Variants in SLC9C1 observed in about 807,000 individuals in gnomAD.
SLC9C1 encodes the protein sodium/hydrogen exchanger 10.
A neutral mutation model predicts 140.9 loss-of-function variants in SLC9C1; 97 were observed. The observed-to-expected ratio is 0.69, with a 90% confidence interval of 0.58 to 0.82. The LOEUF (loss-of-function observed/expected upper bound fraction) is 0.82, where lower values mean the gene tolerates loss of function less well. Ranked by LOEUF, SLC9C1 falls within the 40% of genes least tolerant of loss-of-function variation. The pLI is 0.00. For missense variants in SLC9C1, 1,340 were observed against 1,389.3 expected, an observed-to-expected ratio of 0.96 and a Z score of 0.56; for synonymous variants, 440 against 442.6, an observed-to-expected ratio of 0.99 and a Z score of 0.07.
At chr3:112,191,798 A>T (rs1267919147) in intron 20 of SLC9C1, among the ~76,000 whole-genome samples, 1 of 151,996 alleles carries the variant, frequency 6.6e-6, no homozygotes, top group Non-Finnish European at 1.5e-5. Flanking sequence ...ATATGGTGTG[A>T]GGTATGGATC....
At chr3:112,221,282 A>G (rs1375912113) in intron 13 of SLC9C1, 57 bp from the exon 14 acceptor site, 5 of 1,429,064 alleles carry the variant, frequency 3.5e-6, no homozygotes, top group African/African-American at 1.4e-5. Context: ...ACAACTTATT[A>G]CAATCTTGAT....
chr3:112,180,472 A>G, intron 22 of SLC9C1, 92 bp downstream of exon 22: 1 of 968,458 alleles, frequency 1.0e-6, no homozygotes, highest in East Asian at 2.7e-5. Context: ...ACAGTGAGCC[A>G]AGATCATGCC....
chr3:112,177,723 A>C, intron 23 of SLC9C1, among the ~76,000 whole-genome samples: 1 of 128,328 alleles, frequency 7.8e-6, no homozygotes, highest in African/African-American at 3.0e-5. Context: ...TTTTTTTTCA[A>C]AAAAAAAAAA....
intron 26 of SLC9C1, 122 bp from the exon 27 acceptor site, chr3:112,155,171 G>T: frequency 1.4e-6 from 1 of 712,362 alleles, no homozygotes; most frequent in Non-Finnish European, 2.2e-6. Context: ...TCTGAAATTG[G>T]TGGTAATCTC....
chr3:112,291,724 C>A (rs2080688603), intron 1 of SLC9C1, among the ~76,000 whole-genome samples: 1 of 152,142 alleles, frequency 6.6e-6, no homozygotes, highest in Non-Finnish European at 1.5e-5. Context: ...CCTCAAAGAC[C>A]TAAAAACAGA....
chr3:112,244,927 T>C (rs2079237958), intron 10 of SLC9C1, among the ~76,000 whole-genome samples: 1 of 152,184 alleles, frequency 6.6e-6, no homozygotes, highest in African/African-American at 2.4e-5. Context: ...CAAGCATTGG[T>C]AATAAGGAAA....
At chr3:112,220,858 G>A (rs75549167) in intron 14 of SLC9C1, among the ~76,000 whole-genome samples, 2,851 of 152,026 alleles carry the variant, frequency 0.019, 47 homozygotes, top group Non-Finnish European at 0.027. Context: ...TTGGCAGGGG[G>A]GGACAAAGAA....
chr3:112,281,555 G>C (rs1009370458), intron 2 of SLC9C1, among the ~76,000 whole-genome samples: 1 of 152,288 alleles, frequency 6.6e-6, no homozygotes, highest in South Asian at 2.1e-4. Context: ...ATAAGGAATT[G>C]TACTCTCAGA....
In SLC9C1 at chr3:112,167,327, G is replaced by C. The variant is rs369014902; in HGVS notation, c.3258C>G (p.Phe1086Leu). 47 of 1,600,896 alleles carry C rather than the reference G, an allele frequency of 2.9e-5. No homozygotes were observed. Among genetic ancestry groups the C allele is most frequent in the African/African-American group, 4.0e-5 (3 of 74,426 alleles). Residue 1086 changes from phenylalanine (F) to leucine (L), a missense_variant, in exon 26 of 29, where the codon TTC becomes TTG. By Grantham distance (22) the Phe-to-Leu change is conservative (BLOSUM62 0). Transcript: ENST00000305815. ...TCHQIQSIED[F>L]TKVVIIQTPI... ...GAGTTTGAATAATCACTACTTTTGT[G>C]AAATCTTCAATACTTTGTATCTGAA...
Position 112,270,006 on chromosome 3 carries a change from G to A in SLC9C1, c.685C>T (p.Leu229=). The change falls in exon 7 of 29, where the codon CTG becomes TTG. Residue 229 remains leucine (L), a synonymous_variant. Transcript: ENST00000305815. ...ACAGTTGACATCCAAAATTGAATCAGTTTTGAACTTAGAATTCCAAACAAG... is the reference window on the plus strand; with the variant it reads ...ACAGTTGACATCCAAAATTGAATCAATTTTGAACTTAGAATTCCAAACAAG... ...SFLFGILSSK[L]IQFWMSTVFG... 1 of 1,599,690 alleles carries A rather than the reference G, an allele frequency of 6.3e-7. No homozygotes were observed. The highest frequency in any genetic ancestry group is 2.3e-5 in the East Asian group (1 of 43,920).
intron 23 of SLC9C1, among the ~76,000 whole-genome samples, chr3:112,172,780 A>G (rs899096505): frequency 2.0e-5 from 3 of 152,050 alleles, no homozygotes; most frequent in African/African-American, 7.2e-5. Flanking sequence ...TCTTTGTTCT[A>G]TATCTACTTG....
intron 26 of SLC9C1, among the ~76,000 whole-genome samples, chr3:112,158,510 G>T (rs1268969304): frequency 6.6e-6 from 1 of 151,894 alleles, no homozygotes; most frequent in Admixed American, 6.6e-5. Flanking sequence ...TCTGCTTTTG[G>T]TATCAGGATG....
chr3:112,232,974 T>C (rs765850497), intron 12 of SLC9C1, among the ~76,000 whole-genome samples: 27 of 150,684 alleles, frequency 1.8e-4, no homozygotes, highest in Admixed American at 3.3e-4. Context: ...CAAAGACCCC[T>C]GACCCCTCCC....
chr3:112,167,519 G>T (rs1415401727), intron 25 of SLC9C1, among the ~76,000 whole-genome samples, 172 bp from the exon 26 acceptor site: 1 of 151,894 alleles, frequency 6.6e-6, no homozygotes, highest in Non-Finnish European at 1.5e-5. Flanking sequence ...TATTGGTTTT[G>T]TAAAAGTCAC....
At chr3:112,243,693 CTTTT>C (rs59607744) in intron 11 of SLC9C1, among the ~76,000 whole-genome samples, 26 of 143,632 alleles carry the variant, frequency 1.8e-4, no homozygotes, top group Admixed American at 2.8e-4. Flanking sequence ...TATATGGATT[CTTTT>C]TTTTTTTTTT....
chr3:112,202,109 G>A, intron 18 of SLC9C1, 141 bp downstream of exon 18: 5 of 927,166 alleles, frequency 5.4e-6, no homozygotes, highest in Admixed American at 2.9e-5. Context: ...TAATTTAAAT[G>A]TAACCTAGTT....
chr3:112,165,012 T>A (rs1200625517), intron 26 of SLC9C1, among the ~76,000 whole-genome samples: 2 of 152,222 alleles, frequency 1.3e-5, no homozygotes, highest in Non-Finnish European at 2.9e-5. Context: ...CTCACTTCAT[T>A]TCATTCATTT....
chr3:112,192,054 GT>G (rs1172832505), intron 20 of SLC9C1, among the ~76,000 whole-genome samples: 22 of 123,748 alleles, frequency 1.8e-4, no homozygotes, highest in African/African-American at 5.6e-4. Flanking sequence ...CCCTCTCACT[GT>G]TTTTTTCCAT....
Position 112,221,308 on chromosome 3 carries a change from TAAA to T in SLC9C1, c.1573-86_1573-84del, listed in dbSNP as rs1234703723. ...CAATCTTGATGGGAAAAATGTGTGA[TAAA>T]GAAGTAAAAACAATCAATCTAGTCT... is the stretch of plus-strand genomic sequence containing the variant. On this transcript the variant is annotated intron_variant, in intron 13 of 28. Transcript: ENST00000305815. 5 of 1,149,354 alleles carry T rather than the reference TAAA, an allele frequency of 4.4e-6. No homozygotes were observed. The Admixed American group carries it at 8.1e-5, about 19-fold the overall frequency. 71.2% of individuals were successfully genotyped at this position (1,149,354 alleles called of 1,614,324 possible).
Sources: gnomAD v4.1 joint callset for allele counts (sites outside exome capture counted in the v4.1 genomes callset) on GRCh38, gnomAD v4.1.1 for gene constraint, MANE v1.5 for transcripts, NCBI Gene and HGNC (gene_info 2026-07-23, HGNC 2026-07-21) for gene names.